The following CCDC179 variants were observed in gnomAD, a reference collection of about 807,000 sequenced individuals.
CCDC179 encodes coiled-coil domain containing 179, also known as coiled-coil domain-containing protein 179.
CCDC179 carries 17 observed loss-of-function variants against 12.0 expected under a neutral mutation model. The observed-to-expected ratio is 1.42, with a 90% CI of 0.97 to 2.13. The LOEUF is 2.13. Ranked by LOEUF, CCDC179 falls within the 30% of genes most tolerant of loss-of-function variation. The pLI, the probability that CCDC179 is intolerant of heterozygous loss-of-function variation, is 0.00. For missense variants in CCDC179, 83 were observed against 78.6 expected (o/e 1.06, Z -0.21); for synonymous variants, 27 against 26.4 (o/e 1.02, Z -0.07).
At chr11:22,854,806 C>A (rs947394871) in intron 3 of CCDC179, among the ~76,000 whole-genome samples, 2 of 151,666 alleles carry the variant, frequency 1.3e-5, no homozygotes, top group Non-Finnish European at 1.5e-5. Context: ...AAATACAATA[C>A]ACAACTGTAT....
chr11:22,860,455 C>T lies in CCDC179; in HGVS notation c.-34G>A. 6.5e-7 allele frequency: 1 copy of T among 1,527,286 alleles called. No homozygotes were observed. The highest frequency in any genetic ancestry group is 8.8e-7 in the Non-Finnish European group (1 of 1,142,348). The allele number at this position is 1,527,286 out of a possible 1,614,324, so 94.6% of individuals were successfully genotyped here. A position where few individuals can be genotyped will look rare whatever the true frequency, so the allele number is the denominator to read the frequency against. On this transcript the variant is annotated 5_prime_UTR_variant, in exon 1 of 4. Coordinates refer to ENST00000532798, the MANE Select transcript of CCDC179 (RefSeq NM_001195637.2). ...GCCTTAGGGCGCCCCCTGACGCCTACTGCCTGTCCTGGACCAAATGATTAT... is the reference window on the plus strand; with the variant it reads ...GCCTTAGGGCGCCCCCTGACGCCTATTGCCTGTCCTGGACCAAATGATTAT...
intron 3 of CCDC179, among the ~76,000 whole-genome samples, chr11:22,848,227 T>C (rs1017304964): frequency 2.6e-5 from 4 of 152,202 alleles, no homozygotes; most frequent in Admixed American, 2.0e-4. Context: ...GAGGATTACC[T>C]GAGGCCAGGA....
chr11:22,849,958 T>TATAGTCAG (rs1858333297), intron 3 of CCDC179, among the ~76,000 whole-genome samples: 1 of 152,050 alleles, frequency 6.6e-6, no homozygotes, highest in African/African-American at 2.4e-5. Flanking sequence ...CGACAGATTT[T>TATAGTCAG]ATAGTCAGGC....
intron 2 of CCDC179, among the ~76,000 whole-genome samples, chr11:22,859,030 G>A (rs1262807528): frequency 6.6e-6 from 1 of 152,016 alleles, no homozygotes; most frequent in African/African-American, 2.4e-5. Flanking sequence ...TGCACTTATA[G>A]AGACACCTAT....
intron 3 of CCDC179, among the ~76,000 whole-genome samples, chr11:22,850,714 A>G (rs948650991): frequency 2.0e-5 from 3 of 151,976 alleles, no homozygotes; most frequent in East Asian, 3.9e-4. Flanking sequence ...CATGGAAGAA[A>G]ACAAGATTGA....
intron 1 of CCDC179, among the ~76,000 whole-genome samples, chr11:22,859,699 G>T (rs1484792203): frequency 6.6e-6 from 1 of 152,202 alleles, no homozygotes; most frequent in Non-Finnish European, 1.5e-5. Context: ...TGTGGTGGAA[G>T]ATGGAGACGA....
chr11:22,852,730 C>T (rs1419511744), intron 3 of CCDC179, among the ~76,000 whole-genome samples: 1 of 152,208 alleles, frequency 6.6e-6, no homozygotes, highest in Admixed American at 6.5e-5. Context: ...TCCAAATTTT[C>T]AGAGAGGCTG....
chr11:22,860,425 G>C lies in CCDC179; in HGVS notation c.-4C>G. 2 of 1,534,784 alleles carry C rather than the reference G, an allele frequency of 1.3e-6. No homozygotes were observed. Among genetic ancestry groups the C allele is most frequent in the East Asian group, 2.5e-5 (1 of 40,758 alleles). Reference sequence around the variant, plus strand: ...TGTCCCAGCAATACAGGCACATGCCGTGGAGCCTTAGGGCGCCCCCTGACG... The same window carrying C: ...TGTCCCAGCAATACAGGCACATGCCCTGGAGCCTTAGGGCGCCCCCTGACG... On this transcript the variant is annotated 5_prime_UTR_variant, in exon 1 of 4. Coordinates refer to ENST00000532798, the MANE Select transcript of CCDC179 (RefSeq NM_001195637.2).
At chr11:22,852,217 G>T (rs1390509486) in intron 3 of CCDC179, among the ~76,000 whole-genome samples, 3 of 152,176 alleles carry the variant, frequency 2.0e-5, no homozygotes, top group Non-Finnish European at 4.4e-5. Context: ...AAAGACTTCT[G>T]TTCTAACCAA....
intron 2 of CCDC179, 54 bp downstream of exon 2, chr11:22,859,398 G>A: frequency 7.9e-7 from 1 of 1,267,484 alleles, no homozygotes; most frequent in Non-Finnish European, 1.1e-6. Context: ...AAAGGAACAA[G>A]TTACAAGCAC....
rs1384039943 is a variant in CCDC179, at chr11:22,847,286, A to T, written c.*224T>A. Reference sequence around the variant, plus strand: ...TATTTGTTGAAAAGCAGCAAATTTCAAGTTTACCACAGGAAAGAAAAATAT... The same window carrying T: ...TATTTGTTGAAAAGCAGCAAATTTCTAGTTTACCACAGGAAAGAAAAATAT... On this transcript the variant is annotated 3_prime_UTR_variant, in exon 4 of 4. Transcript: ENST00000532798. 5.6e-6 allele frequency: 2 copies of T among 355,726 alleles called. No homozygotes were observed. Among genetic ancestry groups the T allele is most frequent in the East Asian group, 8.3e-5 (2 of 24,128 alleles). The allele number at this position is 355,726 out of a possible 1,614,324, so 22.0% of individuals were successfully genotyped here.
intron 3 of CCDC179, among the ~76,000 whole-genome samples, chr11:22,848,557 A>G (rs1328558729): frequency 2.6e-5 from 4 of 152,214 alleles, no homozygotes; most frequent in African/African-American, 9.7e-5. Context: ...ACTGGGCAAA[A>G]GTTATTTGTC....
rs1193229315 is a variant in CCDC179, at chr11:22,850,969, TATATA to T, written c.196-3453_196-3449del. 4.7e-3 allele frequency among the ~76,000 whole-genome samples: 97 copies of T among 20,782 alleles called. 5 individuals are homozygous for T. The highest frequency in any genetic ancestry group is 7.5e-3 in the Non-Finnish European group (77 of 10,206). The allele number at this position is 20,782 out of a possible 152,430, so 13.6% of individuals were successfully genotyped here. On this transcript the variant is annotated intron_variant, in intron 3 of 3. Coordinates refer to ENST00000532798, the MANE Select transcript of CCDC179 (RefSeq NM_001195637.2). The stretch of plus-strand genomic sequence containing the variant: ...ATATATATATATATATATATATATA[TATATA>T]TATTTTTTTTTTTTTTTTTTTTTTT...
rs189942046 is a variant in CCDC179 at position 22,854,105 on chromosome 11, T to A, written c.195+3817A>T. Among the ~76,000 whole-genome samples, 118 of 151,924 alleles carry A rather than the reference T, an allele frequency of 7.8e-4. 1 individual carries two copies. The highest frequency in any genetic ancestry group is 5.5e-4 in the Non-Finnish European group (37 of 67,802). On this transcript the variant is annotated intron_variant, in intron 3 of 3. Transcript: ENST00000532798. ...TAGGATTCTGTATCATGTGCAAGTA[T>A]CCTTCCAAAGTGAAAGAGAACAAAA...
chr11:22,860,364 C>G lies in CCDC179; in HGVS notation c.45+13G>C. 1.3e-6 allele frequency: 2 copies of G among 1,535,442 alleles called. No individual in the cohort carries two copies. The highest frequency in any genetic ancestry group is 1.7e-6 in the Non-Finnish European group (2 of 1,146,570). On this transcript the variant is annotated intron_variant, in intron 1 of 3. Coordinates refer to ENST00000532798, the MANE Select transcript of CCDC179 (RefSeq NM_001195637.2). ...AGTGGCAGAGTTGAGGTTGTAGGCC[C>G]CAGCAGACTCACAGGGTTGACTTGG...
rs147294151 is a variant in CCDC179, at chr11:22,851,402, T to C, written c.196-3881A>G. 4.7e-3 allele frequency among the ~76,000 whole-genome samples: 708 copies of C among 152,236 alleles called. 12 individuals carry two copies. Among genetic ancestry groups the C allele is most frequent in the African/African-American group, 0.016 (665 of 41,538 alleles). ...AGTCTGAAAAAGGAAGGAAAGTACT[T>C]TCTTCCATGCTAATGGTACCTCTAT... On this transcript the variant is annotated intron_variant, in intron 3 of 3. Transcript: ENST00000532798.
intron 3 of CCDC179, among the ~76,000 whole-genome samples, chr11:22,848,922 A>G (rs1858303677): frequency 1.3e-5 from 2 of 152,216 alleles, no homozygotes. Context: ...GCAATTGTCT[A>G]TGTTAAAAAT....
rs1246745254 is a variant in CCDC179, at chr11:22,859,458, C to T, written c.84G>A (p.Glu28=). ...TTCTTTATTTAAACATTACCTGCCG[C>T]TCAGTGACCTCTGAAGGATGATGTT... ...PRQHHPSEVT[E]RQLANKRIQN... Residue 28 remains glutamate (E), a synonymous_variant, in exon 2 of 4, where the codon GAG becomes GAA. Coordinates refer to ENST00000532798, the MANE Select transcript of CCDC179 (RefSeq NM_001195637.2). 11 of 1,495,458 alleles carry T rather than the reference C, an allele frequency of 7.4e-6. No homozygotes were observed. The highest frequency in any genetic ancestry group is 9.8e-6 in the Non-Finnish European group (11 of 1,124,170). The allele number at this position is 1,495,458 out of a possible 1,614,324, so 92.6% of individuals were successfully genotyped here.
chr11:22,850,541 T>C (rs1359486430), intron 3 of CCDC179, among the ~76,000 whole-genome samples: 3 of 152,222 alleles, frequency 2.0e-5, no homozygotes, highest in Admixed American at 1.3e-4. Flanking sequence ...AAACTGCACT[T>C]CTATAAACAT....
Sources: allele counts gnomAD v4.1 joint callset (sites outside exome capture counted in the v4.1 genomes callset), GRCh38; gene constraint gnomAD v4.1.1; transcripts MANE v1.5; gene names NCBI Gene and HGNC (gene_info 2026-07-23, HGNC 2026-07-21).